The following PUDP variants were observed in gnomAD, a reference collection of about 807,000 sequenced individuals.
PUDP encodes pseudouridine 5'-phosphatase, also known as pseudouridine-5'-phosphatase.
In PUDP, 8 loss-of-function variants were observed where a neutral mutation model predicts 9.4. The ratio of observed to expected loss-of-function variants is 0.85; its 90% CI spans 0.50 to 1.53. The LOEUF (loss-of-function observed/expected upper bound fraction) is 1.53. Among genes scored for constraint, PUDP ranks in the 40% most tolerant of loss-of-function variants. The pLI is 0.00. For missense variants in PUDP, 188 were observed against 189.7 expected (o/e 0.99, Z 0.05); for synonymous variants, 99 against 80.7 (o/e 1.23, Z -1.22).
At chrX:6,925,338 A>G (rs1415389518) in intron 3 of PUDP, among the ~76,000 whole-genome samples, 1 of 111,765 alleles carries the variant, frequency 8.9e-6, no homozygotes, top group Non-Finnish European at 1.9e-5. Context: ...TTCCCTCTTC[A>G]AAGCCTGTTT....
At chrX:6,917,210 T>A (rs997820846) in intron 3 of PUDP, among the ~76,000 whole-genome samples, 12 of 110,211 alleles carry the variant, frequency 1.1e-4, no homozygotes, top group Non-Finnish European at 1.9e-4. Flanking sequence ...ATGAAAATTT[T>A]AAAAAAATTA....
At chrX:6,767,609 G>C (rs918544955) in intron 3 of PUDP, among the ~76,000 whole-genome samples, 1 of 112,226 alleles carries the variant, frequency 8.9e-6, no homozygotes, top group Non-Finnish European at 1.9e-5. Context: ...CACACAAATG[G>C]ACTTTAGGAA....
At chrX:6,732,617 AG>A (rs1924823448) in intron 3 of PUDP, among the ~76,000 whole-genome samples, 1 of 88,818 alleles carries the variant, frequency 1.1e-5, no homozygotes, top group African/African-American at 4.1e-5. Flanking sequence ...GGAAGGAGGG[AG>A]GGAGGGAGGA....
Position 6,991,970 on chromosome X carries a change from G to T in PUDP, c.205-13627C>A, listed in dbSNP as rs113320896. On this transcript the variant is annotated intron_variant and NMD_transcript_variant, in intron 1 of 3. Transcript: ENST00000655425. Reference sequence around the variant, plus strand: ...ACAAACATAAAGAAAGGACATCTATGCGTAAGAAAAAATTATATAATTAAT... The same window carrying T: ...ACAAACATAAAGAAAGGACATCTATTCGTAAGAAAAAATTATATAATTAAT... 4.0e-3 allele frequency among the ~76,000 whole-genome samples: 451 copies of T among 111,554 alleles called. 3 individuals carry two copies. Among genetic ancestry groups the T allele is most frequent in the African/African-American group, 0.014 (434 of 30,797 alleles).
chrX:6,723,498 T>C (rs1320822824), upstream of PUDP, among the ~76,000 whole-genome samples: 1 of 101,913 alleles, frequency 9.8e-6, no homozygotes, highest in Non-Finnish European at 2.0e-5. Context: ...TATAGTTTGA[T>C]ATTATTTATG....
At chrX:6,930,853 T>C in intron 3 of PUDP, among the ~76,000 whole-genome samples, 1 of 110,685 alleles carries the variant, frequency 9.0e-6, no homozygotes, top group Middle Eastern at 4.6e-3. Context: ...CTTTCTTGTT[T>C]GTTTCTCCTG....
intron 3 of PUDP, among the ~76,000 whole-genome samples, chrX:6,839,630 T>C (rs1602640889): frequency 9.0e-6 from 1 of 111,629 alleles, no homozygotes; most frequent in East Asian, 2.8e-4. Flanking sequence ...CTTCACATAA[T>C]ATGTCATGAG....
chrX:7,017,288 G>C (rs1929564400), intron 1 of PUDP, among the ~76,000 whole-genome samples: 1 of 111,981 alleles, frequency 8.9e-6, no homozygotes, highest in African/African-American at 3.3e-5. Flanking sequence ...TTTGGGAAGG[G>C]TGAGGGAACC....
intron 1 of PUDP, among the ~76,000 whole-genome samples, chrX:6,718,841 T>G (rs1358310014): frequency 8.9e-6 from 1 of 112,021 alleles, no homozygotes; most frequent in African/African-American, 3.2e-5. Flanking sequence ...AGGGGGCTTA[T>G]GAAGATAGCT....
In PUDP at chrX:6,982,023, T is replaced by TACACACACACACACACAC. The variant is rs59016698; in HGVS notation, c.205-3698_205-3681dup. On this transcript the variant is annotated intron_variant and NMD_transcript_variant, in intron 1 of 3. Coordinates refer to the PUDP transcript ENST00000655425. ...CCCAAGAGAAATGAGAACTTATGGA[T>TACACACACACACACACAC]ACACACACACACACACACACACACA... Among the ~76,000 whole-genome samples the TACACACACACACACACAC allele has an allele frequency of 2.2e-3, 190 of 86,994 alleles. 1 individual carries two copies. The highest frequency in any genetic ancestry group is 2.6e-3 in the East Asian group (7 of 2,734). The allele number at this position is 86,994 out of a possible 115,157, so 75.5% of individuals were successfully genotyped here.
chrX:6,883,813 C>T (rs35208411), intron 3 of PUDP, among the ~76,000 whole-genome samples: 12,571 of 111,133 alleles, frequency 0.11, 763 homozygotes, highest in East Asian at 0.46. Context: ...TAAATCAATT[C>T]TGTCCACATT....
chrX:7,060,159 T>C (rs774159139), intron 3 of PUDP, among the ~76,000 whole-genome samples: 1 of 111,891 alleles, frequency 8.9e-6, no homozygotes, highest in Non-Finnish European at 1.9e-5. Flanking sequence ...ACAAAGCCAA[T>C]GCCCTTCAGG....
At position 7,148,137 on chromosome X, in the gene PUDP, G is replaced by C. The variant is rs927188071; in HGVS notation, c.-24C>G. 16 of 1,087,425 alleles carry C rather than the reference G, an allele frequency of 1.5e-5. No homozygotes were observed. The highest frequency in any genetic ancestry group is 4.2e-5 in the South Asian group (2 of 48,144). The allele number at this position is 1,087,425 out of a possible 1,213,427, so 89.6% of individuals were successfully genotyped here. The stretch of plus-strand genomic sequence containing the variant: ...ATGGTGGCGCCTTCTGGGTCTGGGT[G>C]GGGGCGAGGAGGAAGTGCGCGCGCA... On this transcript the variant is annotated 5_prime_UTR_variant, in exon 1 of 4. Transcript: ENST00000381077.
Position 6,983,926 on chromosome X carries a change from C to G in PUDP, c.205-5583G>C, listed in dbSNP as rs1006861539. On this transcript the variant is annotated intron_variant and NMD_transcript_variant, in intron 1 of 3. Coordinates refer to the PUDP transcript ENST00000655425. ...ATTCCCAAAAATTATGTAACAGGAC[C>G]GTTGATCCCCTATGCTCGGGCCCAC... 2.7e-5 allele frequency among the ~76,000 whole-genome samples: 3 copies of G among 112,411 alleles called. No individual in the cohort carries two copies. The East Asian group carries it at 8.4e-4, about 32-fold the overall frequency.
At chrX:6,759,244 C>G (rs959973772) in intron 3 of PUDP, among the ~76,000 whole-genome samples, 4 of 112,211 alleles carry the variant, frequency 3.6e-5, no homozygotes, top group African/African-American at 1.3e-4. Context: ...TTTTTCAGCA[C>G]CTTTAGGAAC....
intron 3 of PUDP, among the ~76,000 whole-genome samples, chrX:6,934,162 A>C (rs1455532144): frequency 3.7e-4 from 39 of 106,296 alleles, no homozygotes; most frequent in African/African-American, 9.6e-4. Context: ...AGAAGAGCAA[A>C]TCCAAGACAC....
At chrX:7,129,929 G>A (rs1932575957) in intron 1 of PUDP, among the ~76,000 whole-genome samples, 1 of 111,647 alleles carries the variant, frequency 9.0e-6, no homozygotes, top group Non-Finnish European at 1.9e-5. Flanking sequence ...CTACATACTA[G>A]AATATGTGAC....
chrX:6,868,086 A>C (rs1022579644), intron 3 of PUDP, among the ~76,000 whole-genome samples: 1 of 111,803 alleles, frequency 8.9e-6, no homozygotes, highest in African/African-American at 3.3e-5. Flanking sequence ...AACACATTCA[A>C]ACCATAGCAA....
At chrX:6,799,409 C>G (rs1202051077) in intron 3 of PUDP, among the ~76,000 whole-genome samples, 1 of 111,641 alleles carries the variant, frequency 9.0e-6, no homozygotes, top group Non-Finnish European at 1.9e-5. Flanking sequence ...AAGATTAAAT[C>G]TCAATATTTA....
Sources: gnomAD v4.1 joint callset for allele counts (sites outside exome capture counted in the v4.1 genomes callset) on GRCh38, gnomAD v4.1.1 for gene constraint, MANE v1.5 for transcripts, NCBI Gene and HGNC (gene_info 2026-07-23, HGNC 2026-07-21) for gene names.